Variants in DIAPH2 observed in about 807,000 individuals in gnomAD.
DIAPH2 encodes protein diaphanous homolog 2.
A neutral mutation model predicts 92.7 loss-of-function variants in DIAPH2; 35 were observed. That is an observed-to-expected ratio of 0.38 (90% CI 0.29 to 0.50). DIAPH2 has a LOEUF of 0.50. Ranked by LOEUF, DIAPH2 falls within the 20% of genes least tolerant of loss-of-function variation. The pLI, the probability that DIAPH2 is intolerant of heterozygous loss-of-function variation, is 0.94. For missense variants in DIAPH2, 701 were observed against 819.5 expected (o/e 0.86, Z 1.77); for synonymous variants, 301 against 280.4 (o/e 1.07, Z -0.73).
chrX:97,123,292 A>G (rs1280506191), intron 21 of DIAPH2, among the ~76,000 whole-genome samples: 1 of 112,046 alleles, frequency 8.9e-6, no homozygotes. Flanking sequence ...TTGTGATACT[A>G]TGTCAGTGGT....
rs190738438 is a variant in DIAPH2 at position 97,531,286 on chromosome X, A to G, written c.3242-67967A>G. On this transcript the variant is annotated intron_variant, in intron 26 of 26. Transcript: ENST00000324765. ...CATTTTTACTTCCTTTTCCACTACT[A>G]TTTTACATTATTTTTCTTTATTCTT... Among the ~76,000 whole-genome samples, 3 of 108,897 alleles carry G rather than the reference A, an allele frequency of 2.8e-5. No homozygotes were observed. In the Admixed American group the frequency reaches 2.9e-4, roughly 11 times the overall value. The allele number at this position is 108,897 out of a possible 115,157, so 94.6% of individuals were successfully genotyped here.
intron 7 of DIAPH2, among the ~76,000 whole-genome samples, chrX:96,912,881 A>ATT (rs1174443956): frequency 9.0e-6 from 1 of 111,395 alleles, no homozygotes; most frequent in African/African-American, 3.3e-5. Flanking sequence ...GTGAGGTTAA[A>ATT]TACACATTTG....
chrX:97,008,639 G>A (rs1405906613), intron 17 of DIAPH2, among the ~76,000 whole-genome samples: 1 of 111,668 alleles, frequency 9.0e-6, no homozygotes, highest in Non-Finnish European at 1.9e-5. Context: ...TCTTCACTAG[G>A]GGCATCCCAA....
intron 4 of DIAPH2, among the ~76,000 whole-genome samples, chrX:96,856,763 G>A (rs770048867): frequency 9.0e-6 from 1 of 110,663 alleles, no homozygotes; most frequent in Non-Finnish European, 1.9e-5. Context: ...TTGGCCGGGC[G>A]CAATGGCTCA....
rs1555970356 is a variant in DIAPH2, at chrX:96,991,543, T to TG, written c.2050+26336_2050+26337insG. On this transcript the variant is annotated intron_variant, in intron 17 of 26. Coordinates refer to ENST00000324765, the MANE Select transcript of DIAPH2 (RefSeq NM_006729.5). ...CAAGGTATCCTGTTTTATGGTGTTT[T>TG]TTTTTTTTTTTTTTACTATGTTATA... is the stretch of plus-strand genomic sequence containing the variant. 1.3e-4 allele frequency among the ~76,000 whole-genome samples: 14 copies of TG among 106,332 alleles called. No individual in the cohort carries two copies. In the Admixed American group the frequency reaches 1.4e-3, roughly 11 times the overall value. The allele number at this position is 106,332 out of a possible 115,157, so 92.3% of individuals were successfully genotyped here. A position where few individuals can be genotyped will look rare whatever the true frequency, so the allele number is the denominator to read the frequency against.
chrX:96,871,600 C>T (rs988209519), intron 4 of DIAPH2, among the ~76,000 whole-genome samples: 1 of 110,287 alleles, frequency 9.1e-6, no homozygotes, highest in African/African-American at 3.3e-5. Context: ...TCATTTTGTG[C>T]CATGGGCCCC....
chrX:97,347,085 CTTTTTTTTTTT>C (rs763682802), intron 23 of DIAPH2, among the ~76,000 whole-genome samples: 4 of 91,246 alleles, frequency 4.4e-5, no homozygotes, highest in African/African-American at 1.2e-4. Flanking sequence ...ACTATAACCT[CTTTTTTTTTTT>C]TTTTTTTTTT....
At chrX:97,254,205 C>T (rs2068215314) in intron 23 of DIAPH2, among the ~76,000 whole-genome samples, 1 of 111,444 alleles carries the variant, frequency 9.0e-6, no homozygotes, top group South Asian at 3.8e-4. Flanking sequence ...AAAAAGAGGA[C>T]TCAAGGCTGG....
chrX:96,761,802 TG>T (rs1365115182), intron 4 of DIAPH2, among the ~76,000 whole-genome samples: 3 of 110,842 alleles, frequency 2.7e-5, no homozygotes, highest in African/African-American at 3.3e-5. Context: ...GTCTTTTCGG[TG>T]GGAGGAAATA....
At chrX:97,307,652 T>C (rs1188742457) in intron 23 of DIAPH2, among the ~76,000 whole-genome samples, 1 of 110,976 alleles carries the variant, frequency 9.0e-6, no homozygotes, top group Non-Finnish European at 1.9e-5. Flanking sequence ...CTCACTCCTA[T>C]AATCCCAGCA....
chrX:96,750,113 A>G (rs886683615), intron 3 of DIAPH2, among the ~76,000 whole-genome samples: 9 of 88,226 alleles, frequency 1.0e-4, no homozygotes, highest in Non-Finnish European at 1.9e-4. Flanking sequence ...GCTGGAGTGC[A>G]GCTGCGCGAT....
intron 5 of DIAPH2, among the ~76,000 whole-genome samples, chrX:96,903,435 A>G (rs935241335): frequency 8.9e-6 from 1 of 111,944 alleles, no homozygotes; most frequent in Non-Finnish European, 1.9e-5. Context: ...TTTTAACTAT[A>G]TTACTTATCT....
At chrX:97,015,888 A>C (rs1375489913) in intron 17 of DIAPH2, among the ~76,000 whole-genome samples, 2 of 109,976 alleles carry the variant, frequency 1.8e-5, no homozygotes, top group Non-Finnish European at 3.8e-5. Context: ...ATGTGGATTT[A>C]TACACTAACC....
At chrX:96,749,841 G>A (rs1404322584) in intron 3 of DIAPH2, among the ~76,000 whole-genome samples, 1 of 110,568 alleles carries the variant, frequency 9.0e-6, no homozygotes, top group Middle Eastern at 4.2e-3. Flanking sequence ...TCTAACACCA[G>A]GAAGAAAGAG....
intron 23 of DIAPH2, among the ~76,000 whole-genome samples, chrX:97,268,575 G>A (rs1288406283): frequency 3.6e-5 from 4 of 112,278 alleles, no homozygotes; most frequent in African/African-American, 1.3e-4. Flanking sequence ...GAAAGAACAT[G>A]CAACTTACAG....
chrX:97,556,708 C>T (rs1450935961), intron 26 of DIAPH2, among the ~76,000 whole-genome samples: 1 of 111,725 alleles, frequency 9.0e-6, no homozygotes, highest in Non-Finnish European at 1.9e-5. Flanking sequence ...TCATAGGTAA[C>T]AGGGGTCAGG....
intron 21 of DIAPH2, among the ~76,000 whole-genome samples, chrX:97,122,151 T>C (rs1198200801): frequency 9.0e-6 from 1 of 111,708 alleles, no homozygotes; most frequent in Non-Finnish European, 1.9e-5. Context: ...TACAGTATTC[T>C]GAAAATGGGG....
intron 25 of DIAPH2, among the ~76,000 whole-genome samples, chrX:97,422,976 GCAATATGAGCTT>G (rs1185646388): frequency 1.8e-5 from 2 of 111,528 alleles, no homozygotes; most frequent in African/African-American, 6.5e-5. Context: ...GATACAGCAA[GCAATATGAGCTT>G]CACGTTCACA....
intron 4 of DIAPH2, among the ~76,000 whole-genome samples, chrX:96,853,176 A>G (rs1326047491): frequency 9.0e-6 from 1 of 111,582 alleles, no homozygotes; most frequent in African/African-American, 3.3e-5. Flanking sequence ...TTTGAGGGCT[A>G]GAGAGATGGG....
Sources: gnomAD v4.1 joint callset for allele counts (sites outside exome capture counted in the v4.1 genomes callset) on GRCh38, gnomAD v4.1.1 for gene constraint, MANE v1.5 for transcripts, NCBI Gene and HGNC (gene_info 2026-07-23, HGNC 2026-07-21) for gene names.